Variants in YARS1 observed in about 807,000 individuals in gnomAD.
YARS1 encodes tyrosyl-tRNA synthetase 1, also known as tyrosine--tRNA ligase, cytoplasmic.
YARS1 carries 36 observed loss-of-function variants against 62.2 expected under a neutral mutation model. That is an observed-to-expected ratio of 0.58 (90% CI 0.44 to 0.76). The LOEUF (loss-of-function observed/expected upper bound fraction) is 0.76. YARS1 is among the 30% of genes least tolerant of loss of function. YARS1 has a pLI of 0.00. For synonymous variants in YARS1, 234 were observed against 244.9 expected (o/e 0.96, Z 0.42); for missense variants, 524 against 639.8 (o/e 0.82, Z 1.95).
intron 4 of YARS1, among the ~76,000 whole-genome samples, chr1:32,801,771 C>T (rs991026490): frequency 1.3e-5 from 2 of 152,096 alleles, no homozygotes; most frequent in African/African-American, 2.4e-5. Context: ...TCTTTTGTTG[C>T]CATTTCAACA....
chr1:32,800,839 C>T (rs959412926), intron 4 of YARS1, among the ~76,000 whole-genome samples: 1 of 152,146 alleles, frequency 6.6e-6, no homozygotes, highest in African/African-American at 2.4e-5. Context: ...TCCCAAAGTG[C>T]TGGGATTACA....
At position 32,811,317 on chromosome 1, in the gene YARS1, C is replaced by G. The variant is rs368736876; in HGVS notation, c.58-260G>C. The G allele has an allele frequency of 1.9e-5, 10 of 526,700 alleles. No individual in the cohort carries two copies. The South Asian group carries it at 2.0e-4, about 10-fold the overall frequency. 32.6% of individuals were successfully genotyped at this position (526,700 alleles called of 1,614,324 possible). Reference sequence around the variant, plus strand: ...CCCTTGCAGCCTCTTACCCACCCCCCTTCCTCAAGGACTTAACTTGTGCAA... The same window carrying G: ...CCCTTGCAGCCTCTTACCCACCCCCGTTCCTCAAGGACTTAACTTGTGCAA... On this transcript the variant is annotated intron_variant, in intron 1 of 12. Coordinates refer to ENST00000373477, the MANE Select transcript of YARS1 (RefSeq NM_003680.4).
At chr1:32,777,492 T>C in intron 12 of YARS1, among the ~76,000 whole-genome samples, 1 of 152,130 alleles carries the variant, frequency 6.6e-6, no homozygotes, top group East Asian at 1.9e-4. Context: ...GCACCTGTAA[T>C]CCCAGCTACT....
intron 1 of YARS1, among the ~76,000 whole-genome samples, chr1:32,816,476 C>T (rs1335298469): frequency 1.3e-5 from 2 of 152,168 alleles, no homozygotes; most frequent in East Asian, 1.9e-4. Flanking sequence ...GGAAATCATG[C>T]GTCGCTGATA....
chr1:32,786,899 T>C (rs368288608), intron 7 of YARS1, 41 bp downstream of exon 7: 36 of 1,613,288 alleles, frequency 2.2e-5, no homozygotes, highest in Non-Finnish European at 3.0e-5. Flanking sequence ...CGAACTTTTC[T>C]ATTCTAGCCT....
intron 6 of YARS1, among the ~76,000 whole-genome samples, chr1:32,787,690 T>G (rs1033768733): frequency 1.3e-5 from 2 of 152,020 alleles, no homozygotes; most frequent in African/African-American, 4.8e-5. Flanking sequence ...TGTTTTTGTA[T>G]TTTTAGTAGA....
chr1:32,810,049 T>C (rs1175270848), intron 3 of YARS1, among the ~76,000 whole-genome samples: 1 of 147,172 alleles, frequency 6.8e-6, no homozygotes, highest in Non-Finnish European at 1.5e-5. Flanking sequence ...GAGGGTGCAG[T>C]GAGTCAAGAT....
intron 7 of YARS1, 22 bp downstream of exon 7, chr1:32,786,917 AG>A: frequency 6.2e-7 from 1 of 1,613,890 alleles, no homozygotes; most frequent in Non-Finnish European, 8.5e-7. Flanking sequence ...CCTGGCCTCT[AG>A]GAAGAAAACA....
chr1:32,782,316 T>G, intron 9 of YARS1, 88 bp downstream of exon 9: 1 of 1,608,680 alleles, frequency 6.2e-7, no homozygotes, highest in South Asian at 1.1e-5. Context: ...TGGGTTGTTG[T>G]GCCCTCAATT....
chr1:32,807,588 A>T (rs544687587), intron 3 of YARS1, among the ~76,000 whole-genome samples: 18 of 151,396 alleles, frequency 1.2e-4, no homozygotes, highest in African/African-American at 4.4e-4. Flanking sequence ...CTCCAAAGGA[A>T]CTAGGACTAT....
chr1:32,785,807 C>A (rs1653206914), intron 8 of YARS1, among the ~76,000 whole-genome samples: 1 of 151,892 alleles, frequency 6.6e-6, no homozygotes, highest in Non-Finnish European at 1.5e-5. Flanking sequence ...TGGTCTCGAA[C>A]TCCTGACCTC....
At position 32,781,162 on chromosome 1, in the gene YARS1, C is replaced by T. The variant is rs1410832392; in HGVS notation, c.1043-17G>A. The T allele has an allele frequency of 6.2e-7, 1 of 1,604,504 alleles. No individual in the cohort carries two copies. The highest frequency in any genetic ancestry group is 8.5e-7 in the Non-Finnish European group (1 of 1,171,430). On this transcript the variant is annotated splice_polypyrimidine_tract_variant and intron_variant, in intron 9 of 12. Coordinates refer to ENST00000373477, the MANE Select transcript of YARS1 (RefSeq NM_003680.4). The stretch of plus-strand genomic sequence containing the variant: ...CCATTGGCTCTGGGAATGAGAAGAA[C>T]CCCATGAGGTAGAATTCTTCCCTGT...
At chr1:32,805,234 A>G (rs1569766333) in intron 4 of YARS1, among the ~76,000 whole-genome samples, 1 of 9,106 alleles carries the variant, frequency 1.1e-4, no homozygotes, top group Admixed American at 1.3e-3. Flanking sequence ...GGAGAGGGGG[A>G]GAGGGGGAGA....
At chr1:32,790,096 C>G (rs982816102) in intron 6 of YARS1, among the ~76,000 whole-genome samples, 3 of 148,460 alleles carry the variant, frequency 2.0e-5, no homozygotes, top group African/African-American at 7.4e-5. Flanking sequence ...GTTGGACAGG[C>G]TGGTCTCGAA....
At chr1:32,790,290 C>T (rs1388701120) in intron 6 of YARS1, among the ~76,000 whole-genome samples, 1 of 146,018 alleles carries the variant, frequency 6.8e-6, no homozygotes, top group Non-Finnish European at 1.5e-5. Flanking sequence ...GGGTGGATCA[C>T]GAGGTCAGGA....
intron 6 of YARS1, among the ~76,000 whole-genome samples, chr1:32,787,299 CTA>C (rs150372974): frequency 6.7e-4 from 102 of 151,414 alleles, no homozygotes; most frequent in African/African-American, 2.4e-3. Flanking sequence ...CCAGGTAATT[CTA>C]TTTTTTGTAG....
At position 32,810,999 on chromosome 1, in the gene YARS1, T is replaced by G. The variant is rs1415994721; in HGVS notation, c.116A>C (p.Tyr39Ser). 6.2e-7 allele frequency: 1 copy of G among 1,614,018 alleles called. No homozygotes were observed. Among genetic ancestry groups the G allele is most frequent in the Non-Finnish European group, 8.5e-7 (1 of 1,180,032 alleles). ...EILKERELKI[Y>S]WGTATTGKPH... ...TTTGCCCGTGGTTGCCGTTCCCCAG[T>G]AAATTTTAAGTTCCCGCTCCTTCAG... The change falls in exon 2 of 13, where the codon TAC becomes TCC. Residue 39 changes from tyrosine (Y) to serine (S), a missense_variant. By Grantham distance (144) the Tyr-to-Ser change is moderately radical (BLOSUM62 -2). Transcript: ENST00000373477.
In YARS1 at chr1:32,784,114, C is replaced by G. The variant is rs1039350811; in HGVS notation, c.907-1575G>C. 2.0e-5 allele frequency among the ~76,000 whole-genome samples: 3 copies of G among 151,914 alleles called. No individual in the cohort carries two copies. In the South Asian group the frequency reaches 6.2e-4, roughly 32 times the overall value. ...TGATCTCCTGGGCTCAAGCGATCCT[C>G]CCACCTCAGCCTTCCCAGTAGCTGC... On this transcript the variant is annotated intron_variant, in intron 8 of 12. Coordinates refer to ENST00000373477, the MANE Select transcript of YARS1 (RefSeq NM_003680.4).
At chr1:32,814,869 C>CAGCCTCAA in intron 1 of YARS1, among the ~76,000 whole-genome samples, 1 of 152,206 alleles carries the variant, frequency 6.6e-6, no homozygotes, top group Non-Finnish European at 1.5e-5. Context: ...CCTCAAGTTA[C>CAGCCTCAA]GGTTTTGGGA....
Sources: gnomAD v4.1 joint callset for allele counts (sites outside exome capture counted in the v4.1 genomes callset) on GRCh38, gnomAD v4.1.1 for gene constraint, MANE v1.5 for transcripts, NCBI Gene and HGNC (gene_info 2026-07-23, HGNC 2026-07-21) for gene names.